Variants in CDH9 observed in about 807,000 individuals in gnomAD.
The protein encoded by CDH9 is cadherin-9.
Under a neutral mutation model 70.9 loss-of-function variants are expected in CDH9, and 28 were observed. The ratio of observed to expected loss-of-function variants is 0.40; its 90% CI spans 0.29 to 0.54. CDH9 has a LOEUF of 0.54. Ranked by LOEUF, CDH9 falls within the 20% of genes least tolerant of loss-of-function variation. CDH9 has a pLI of 0.59. For missense variants in CDH9, 874 were observed against 984.4 expected (o/e 0.89, Z 1.50); for synonymous variants, 409 against 343.1 (o/e 1.19, Z -2.12).
chr5:26,918,248 T>C (rs1741181026), intron 2 of CDH9, among the ~76,000 whole-genome samples: 3 of 152,180 alleles, frequency 2.0e-5, no homozygotes, highest in Admixed American at 2.0e-4. Flanking sequence ...CTTTTTTGTA[T>C]TTTCCTCTAA....
intron 2 of CDH9, among the ~76,000 whole-genome samples, chr5:26,969,745 A>G (rs888368196): frequency 6.6e-6 from 1 of 151,902 alleles, no homozygotes; most frequent in South Asian, 2.1e-4. Flanking sequence ...ATAACTCACA[A>G]GCTTTTTTCC....
intron 1 of CDH9, among the ~76,000 whole-genome samples, chr5:26,993,698 CAAAAA>C (rs34545141): frequency 2.5e-4 from 13 of 51,004 alleles, no homozygotes; most frequent in African/African-American, 3.4e-4. Context: ...TATTCAGCTG[CAAAAA>C]AAAAAAAAAA....
intron 2 of CDH9, among the ~76,000 whole-genome samples, chr5:26,936,400 T>C (rs1741559313): frequency 6.6e-6 from 1 of 151,018 alleles, no homozygotes; most frequent in South Asian, 2.1e-4. Flanking sequence ...AAACTTCTGA[T>C]GGAAGAAATC....
intron 7 of CDH9, among the ~76,000 whole-genome samples, chr5:26,892,565 A>T (rs1445837025): frequency 6.6e-6 from 1 of 152,188 alleles, no homozygotes; most frequent in African/African-American, 2.4e-5. Flanking sequence ...TTATTAAGGC[A>T]TCTTATTATG....
At chr5:26,887,257 C>T (rs1740580641) in intron 9 of CDH9, among the ~76,000 whole-genome samples, 1 of 151,646 alleles carries the variant, frequency 6.6e-6, no homozygotes, top group Non-Finnish European at 1.5e-5. Flanking sequence ...TTTTGCTCAA[C>T]CTTCTGTTCC....
chr5:27,017,619 T>C (rs1743067786), intron 1 of CDH9, among the ~76,000 whole-genome samples: 3 of 152,060 alleles, frequency 2.0e-5, no homozygotes, highest in African/African-American at 7.2e-5. Context: ...TTTTATTTAT[T>C]CAACATTTTA....
intron 2 of CDH9, among the ~76,000 whole-genome samples, chr5:26,942,226 C>G (rs768685883): frequency 3.9e-5 from 6 of 152,106 alleles, no homozygotes; most frequent in Non-Finnish European, 5.9e-5. Flanking sequence ...CATCAGATCT[C>G]CTGAGAACTC....
intron 1 of CDH9, among the ~76,000 whole-genome samples, chr5:27,011,754 T>G (rs1029940497): frequency 2.6e-5 from 4 of 152,078 alleles, no homozygotes; most frequent in Non-Finnish European, 4.4e-5. Flanking sequence ...AACAGAGAGT[T>G]AATATGAATA....
chr5:26,909,350 A>G (rs903862593), intron 3 of CDH9, among the ~76,000 whole-genome samples: 6 of 152,054 alleles, frequency 3.9e-5, no homozygotes, highest in Admixed American at 3.9e-4. Flanking sequence ...ATGGATATTT[A>G]CATCCCACTA....
intron 2 of CDH9, among the ~76,000 whole-genome samples, chr5:26,985,323 T>G (rs766156440): frequency 9.9e-5 from 15 of 152,064 alleles, no homozygotes; most frequent in Non-Finnish European, 2.1e-4. Flanking sequence ...AAATTTGGAG[T>G]TAAAGAAATC....
At chr5:26,984,804 A>G (rs1244387238) in intron 2 of CDH9, among the ~76,000 whole-genome samples, 1 of 152,172 alleles carries the variant, frequency 6.6e-6, no homozygotes, top group African/African-American at 2.4e-5. Context: ...ACATAAAACA[A>G]TATTTGTAAA....
intron 2 of CDH9, among the ~76,000 whole-genome samples, chr5:26,947,742 A>C (rs1332872867): frequency 6.6e-6 from 1 of 152,278 alleles, no homozygotes; most frequent in East Asian, 1.9e-4. Context: ...TCAGATGTGC[A>C]CACCACATAG....
intron 7 of CDH9, among the ~76,000 whole-genome samples, chr5:26,892,494 C>T (rs139889843): frequency 1.3e-5 from 2 of 152,240 alleles, no homozygotes; most frequent in Non-Finnish European, 2.9e-5. Context: ...ACAGGAAAAG[C>T]AATGCAAGAC....
intron 2 of CDH9, among the ~76,000 whole-genome samples, chr5:26,952,738 C>A (rs1360183966): frequency 6.7e-6 from 1 of 149,460 alleles, no homozygotes; most frequent in Admixed American, 6.6e-5. Flanking sequence ...TAGATGAATC[C>A]ACTCATGGAT....
chr5:26,900,313 T>C (rs1029498507), intron 7 of CDH9, among the ~76,000 whole-genome samples: 2 of 152,090 alleles, frequency 1.3e-5, no homozygotes, highest in African/African-American at 4.8e-5. Context: ...TTAAAGAGCA[T>C]ATTATATATC....
At chr5:26,885,912 T>A in intron 10 of CDH9, 47 bp from the exon 11 acceptor site, 1 of 1,603,364 alleles carries the variant, frequency 6.2e-7, no homozygotes, top group Non-Finnish European at 8.5e-7. Flanking sequence ...ATATTTGTTT[T>A]TAACTGTGTA....
intron 2 of CDH9, among the ~76,000 whole-genome samples, chr5:26,949,733 A>C (rs1440462830): frequency 6.6e-6 from 1 of 152,230 alleles, no homozygotes; most frequent in Non-Finnish European, 1.5e-5. Flanking sequence ...GGTTGTCAGC[A>C]TGATGAAAAA....
intron 2 of CDH9, among the ~76,000 whole-genome samples, chr5:26,970,963 A>G (rs888068160): frequency 1.3e-5 from 2 of 152,176 alleles, no homozygotes; most frequent in Non-Finnish European, 2.9e-5. Flanking sequence ...TTTCTGATCC[A>G]TAGAGGGGAA....
Position 26,940,971 on chromosome 5 carries a change from G to A in CDH9, c.229-25047C>T, listed in dbSNP as rs145280999. On this transcript the variant is annotated intron_variant, in intron 2 of 11. Coordinates refer to ENST00000231021, the MANE Select transcript of CDH9 (RefSeq NM_016279.4). Reference sequence around the variant, plus strand: ...AGGCTGAAGCCGATGTAATAGATAGGGTTTTCATAGAACATAAATTGTGCT... The same window carrying A: ...AGGCTGAAGCCGATGTAATAGATAGAGTTTTCATAGAACATAAATTGTGCT... 3.0e-3 allele frequency among the ~76,000 whole-genome samples: 464 copies of A among 152,250 alleles called. 1 individual carries two copies. The highest frequency in any genetic ancestry group is 0.011 in the African/African-American group (448 of 41,566).
Sources: gnomAD v4.1 joint callset for allele counts (sites outside exome capture counted in the v4.1 genomes callset) on GRCh38, gnomAD v4.1.1 for gene constraint, MANE v1.5 for transcripts, NCBI Gene and HGNC (gene_info 2026-07-23, HGNC 2026-07-21) for gene names.